Variants in IVNS1ABP observed in about 807,000 individuals in gnomAD.
IVNS1ABP encodes influenza virus NS1A-binding protein.
In IVNS1ABP, 25 loss-of-function variants were observed where a neutral mutation model predicts 78.9. The observed-to-expected ratio is 0.32, with a 90% CI of 0.23 to 0.44. The LOEUF (loss-of-function observed/expected upper bound fraction) is 0.44. Among genes scored for constraint, IVNS1ABP ranks in the 20% least tolerant of loss-of-function variants. The pLI is 1.00. For synonymous variants in IVNS1ABP, 241 were observed against 259.7 expected (o/e 0.93, Z 0.69); for missense variants, 494 against 768.9 (o/e 0.64, Z 4.23).
intron 1 of IVNS1ABP, among the ~76,000 whole-genome samples, chr1:185,316,229 C>A (rs927738570): frequency 6.6e-6 from 1 of 152,146 alleles, no homozygotes; most frequent in Non-Finnish European, 1.5e-5. Context: ...ACTCCGCAGG[C>A]TGCGAGGCGA....
chr1:185,309,436 C>T lies in IVNS1ABP; in HGVS notation c.58G>A (p.Ala20Thr). The T allele has an allele frequency of 1.2e-6, 2 of 1,612,952 alleles. No individual in the cohort carries two copies. The highest frequency in any genetic ancestry group is 1.7e-6 in the Non-Finnish European group (2 of 1,179,262). ...EDENFIESSVAKLNALRKSGQ... is the reference protein window; with the variant it reads ...EDENFIESSVTKLNALRKSGQ... ...CTTTTCCTCAGGGCATTTAATTTGG[C>T]AACAGAAGACTCAATAAAATTTTCA... Residue 20 changes from alanine (A) to threonine (T), a missense_variant, in exon 3 of 15, where the codon GCC becomes ACC. Physicochemically the swap from Ala to Thr is moderately conservative, Grantham distance 58 (BLOSUM62 0). Transcript: ENST00000367498.
intron 6 of IVNS1ABP, 130 bp from the exon 7 acceptor site, chr1:185,307,269 C>A (rs933106443): frequency 3.3e-6 from 4 of 1,221,112 alleles, no homozygotes; most frequent in Admixed American, 5.3e-5. Context: ...TTGTAAGGAA[C>A]CAGGAATTTG....
intron 7 of IVNS1ABP, 68 bp downstream of exon 7, chr1:185,306,946 G>A: frequency 6.6e-7 from 1 of 1,526,148 alleles, no homozygotes; most frequent in Non-Finnish European, 9.0e-7. Flanking sequence ...AAAAGTGAAA[G>A]GGAATCCTTC....
chr1:185,307,114 A>G lies in IVNS1ABP; in HGVS notation c.557T>C (p.Val186Ala). The stretch of plus-strand genomic sequence containing the variant: ...TAATTTGCCATTGCTGGGCAAGCAA[A>G]CATTATCTTCAAGCATTACCTCCAA... ...LKLEVMLEDN[V>A]CLPSNGKLYT... The change falls in exon 7 of 15, where the codon GTT (valine) becomes GCT (alanine). Residue 186 changes from valine (V) to alanine (A), a missense_variant. Coordinates refer to ENST00000367498, the MANE Select transcript of IVNS1ABP (RefSeq NM_006469.5). The G allele has an allele frequency of 1.2e-6, 2 of 1,613,484 alleles. No individual in the cohort carries two copies. Among genetic ancestry groups the G allele is most frequent in the Non-Finnish European group, 1.7e-6 (2 of 1,179,546 alleles).
rs368249562 is a variant in IVNS1ABP, at chr1:185,308,754, C to G, written c.357+46G>C. 6.0e-5 allele frequency: 83 copies of G among 1,393,608 alleles called. No homozygotes were observed. The African/African-American group carries it at 1.0e-3, about 17-fold the overall frequency. 86.3% of individuals were successfully genotyped at this position (1,393,608 alleles called of 1,614,324 possible). A position where few individuals can be genotyped will look rare whatever the true frequency, so the allele number is the denominator to read the frequency against. On this transcript the variant is annotated intron_variant, in intron 5 of 14. Transcript: ENST00000367498. ...TGACAAATTCAGCATTGCAATCACA[C>G]AAAATAAGACTCCATAAATGATTTT...
chr1:185,301,012 A>C lies in IVNS1ABP; in HGVS notation c.1080T>G (p.Gly360=). 2 of 1,613,440 alleles carry C rather than the reference A, an allele frequency of 1.2e-6. No individual in the cohort carries two copies. The highest frequency in any genetic ancestry group is 1.7e-6 in the Non-Finnish European group (2 of 1,179,660). ...TGCCATTCATCTCTGCTGTTCCCAG[A>C]CCAGATCGTGCGTACTGCATAGGAG... is the stretch of plus-strand genomic sequence containing the variant. ...PMSPMQYARS[G]LGTAEMNGKL... The change falls in exon 10 of 15, where the codon GGT becomes GGG. Residue 360 remains glycine (G), a synonymous_variant. Transcript: ENST00000367498.
At position 185,317,046 on chromosome 1, in the gene IVNS1ABP, C is replaced by CAG; in HGVS notation, c.-342_-341dup. The CAG allele has an allele frequency of 2.5e-6, 1 of 399,004 alleles. No homozygotes were observed. 24.7% of individuals were successfully genotyped at this position (399,004 alleles called of 1,614,324 possible). ...CGGGAATCGGCCCAACGGAAAGCGC[C>CAG]AGAAGGCGGCGGAAGACGGGAGCGG... On this transcript the variant is annotated 5_prime_UTR_variant, in exon 1 of 15. Coordinates refer to ENST00000367498, the MANE Select transcript of IVNS1ABP (RefSeq NM_006469.5).
In IVNS1ABP at chr1:185,307,027, T is replaced by A. The variant is rs777709156; in HGVS notation, c.644A>T (p.Glu215Val). ...SIWENGDSLE[E>V]LMEEVQTLYY... The stretch of plus-strand genomic sequence containing the variant: ...TTTAAAACTAACCTCTTCCATCAGC[T>A]CTTCCAGACTGTCTCCATTCTCCCA... The change falls in exon 7 of 15, where the codon GAG (glutamate) becomes GTG (valine). Residue 215 changes from glutamate to valine, a missense_variant. Glu to Val is a moderately radical substitution (Grantham distance 121). Coordinates refer to ENST00000367498, the MANE Select transcript of IVNS1ABP (RefSeq NM_006469.5). The A allele has an allele frequency of 1.2e-6, 2 of 1,613,404 alleles. No homozygotes were observed. Among genetic ancestry groups the A allele is most frequent in the Admixed American group, 1.7e-5 (1 of 59,984 alleles).
chr1:185,304,587 T>C (rs927641801), intron 8 of IVNS1ABP, among the ~76,000 whole-genome samples: 3 of 152,124 alleles, frequency 2.0e-5, no homozygotes, highest in African/African-American at 7.2e-5. Context: ...TTATAGCTTG[T>C]CCCTCAAAAA....
At chr1:185,304,202 T>C (rs768428104) in intron 8 of IVNS1ABP, among the ~76,000 whole-genome samples, 2 of 152,110 alleles carry the variant, frequency 1.3e-5, no homozygotes, top group Admixed American at 1.3e-4. Flanking sequence ...GCCTGTATTG[T>C]TTTGCCCACT....
Position 185,299,991 on chromosome 1 carries a change from C to A in IVNS1ABP, c.1501+8G>T. ...TTTAAAAAAAAAAAGGAAAAAAAAT[C>A]AACTTACGAATGTTAAGAGGGGCAC... On this transcript the variant is annotated splice_region_variant and intron_variant, in intron 13 of 14. Coordinates refer to ENST00000367498, the MANE Select transcript of IVNS1ABP (RefSeq NM_006469.5). 1 of 1,604,128 alleles carries A rather than the reference C, an allele frequency of 6.2e-7. No individual in the cohort carries two copies. Among genetic ancestry groups the A allele is most frequent in the Non-Finnish European group, 8.5e-7 (1 of 1,177,190 alleles).
intron 10 of IVNS1ABP, 130 bp from the exon 11 acceptor site, chr1:185,300,688 G>T: frequency 1.1e-6 from 1 of 951,048 alleles, no homozygotes; most frequent in Non-Finnish European, 1.6e-6. Context: ...TGCCTTAGTT[G>T]ATCTTTTAAC....
chr1:185,310,503 G>A (rs746494786), intron 2 of IVNS1ABP, among the ~76,000 whole-genome samples: 1 of 152,124 alleles, frequency 6.6e-6, no homozygotes, highest in Non-Finnish European at 1.5e-5. Flanking sequence ...AGCTACTTGT[G>A]GGGGCTGAGG....
intron 1 of IVNS1ABP, among the ~76,000 whole-genome samples, chr1:185,316,353 T>C (rs1451873611): frequency 6.6e-6 from 1 of 152,048 alleles, no homozygotes; most frequent in Non-Finnish European, 1.5e-5. Flanking sequence ...TCCCCGCGCT[T>C]GGCAAGAAAA....
chr1:185,301,613 A>G (rs1449963179), intron 8 of IVNS1ABP, 50 bp from the exon 9 acceptor site: 6 of 1,606,808 alleles, frequency 3.7e-6, no homozygotes, highest in Admixed American at 1.7e-5. Flanking sequence ...ACCACATCTG[A>G]TGTACCTTTG....
intron 1 of IVNS1ABP, among the ~76,000 whole-genome samples, chr1:185,312,232 G>A (rs764605470): frequency 1.3e-5 from 2 of 152,120 alleles, no homozygotes; most frequent in Non-Finnish European, 2.9e-5. Context: ...AAGGTAATCA[G>A]TCCTCCTACC....
chr1:185,307,060 C>T lies in IVNS1ABP; in HGVS notation c.611G>A (p.Arg204His), dbSNP rs186662950. ...LYTKVINWVQ[R>H]SIWENGDSLE... ...ACTGTCTCCATTCTCCCAGATGCTA[C>T]GCTGCACCCAGTTGATTACCTTTGT... The change falls in exon 7 of 15, where the codon CGT becomes CAT. Residue 204 changes from arginine (R) to histidine (H), a missense_variant. Physicochemically the swap from Arg to His is conservative, Grantham distance 29 (BLOSUM62 0). Transcript: ENST00000367498. 4.8e-5 allele frequency: 78 copies of T among 1,613,538 alleles called. No homozygotes were observed. The highest frequency in any genetic ancestry group is 6.6e-5 in the South Asian group (6 of 91,076).
In IVNS1ABP at chr1:185,305,440, G is replaced by A. The variant is rs1292544239; in HGVS notation, c.765+96C>T. On this transcript the variant is annotated intron_variant, in intron 8 of 14. Transcript: ENST00000367498. This position sits in a 1 kb window ranked among gnomAD's most constrained non-coding sequence, Gnocchi z 4.0. ...TCTGTCCAGTTATACCAATGAAATTGGTCCACTTTCCTTTATTAAAGGAAA... is the reference window on the plus strand; with the variant it reads ...TCTGTCCAGTTATACCAATGAAATTAGTCCACTTTCCTTTATTAAAGGAAA... 1 of 1,297,064 alleles carries A rather than the reference G, an allele frequency of 7.7e-7. No individual in the cohort carries two copies. Among genetic ancestry groups the A allele is most frequent in the African/African-American group, 1.5e-5 (1 of 68,040 alleles). 80.3% of individuals were successfully genotyped at this position (1,297,064 alleles called of 1,614,324 possible). A position where few individuals can be genotyped will look rare whatever the true frequency, so the allele number is the denominator to read the frequency against.
chr1:185,300,887 G>A, intron 10 of IVNS1ABP, 85 bp downstream of exon 10: 1 of 978,212 alleles, frequency 1.0e-6, no homozygotes, highest in Non-Finnish European at 1.6e-6. Flanking sequence ...GTGAAAGATG[G>A]CATATTAAAC....
Sources: allele counts gnomAD v4.1 joint callset (sites outside exome capture counted in the v4.1 genomes callset), GRCh38; gene constraint gnomAD v4.1.1; non-coding constraint Gnocchi (gnomAD v3.1); transcripts MANE v1.5; gene names NCBI Gene and HGNC (gene_info 2026-07-23, HGNC 2026-07-21).